Variants in PHACTR1 observed in about 807,000 individuals in gnomAD.
PHACTR1 encodes the protein RPEL repeat containing 1.
In PHACTR1, 16 loss-of-function variants were observed where a neutral mutation model predicts 69.2. The observed-to-expected ratio is 0.23, with a 90% CI of 0.16 to 0.35. The LOEUF (loss-of-function observed/expected upper bound fraction) is 0.35. Among genes scored for constraint, PHACTR1 ranks in the 10% least tolerant of loss-of-function variants. The probability of loss-of-function intolerance (pLI) is 1.00; values close to 1 mark genes in which losing one functional copy is unlikely to be tolerated. For missense variants in PHACTR1, 510 were observed against 734.7 expected (o/e 0.69, Z 3.54); for synonymous variants, 312 against 284.5 (o/e 1.10, Z -0.97).
At chr6:13,189,714 T>C (rs1226574232) in intron 7 of PHACTR1, among the ~76,000 whole-genome samples, 1 of 152,082 alleles carries the variant, frequency 6.6e-6, no homozygotes, top group Non-Finnish European at 1.5e-5. Context: ...CCCAAATCTT[T>C]AAAAAAATCA....
At chr6:12,915,034 G>C (rs1786817952) in intron 4 of PHACTR1, among the ~76,000 whole-genome samples, 1 of 152,222 alleles carries the variant, frequency 6.6e-6, no homozygotes, top group South Asian at 2.1e-4. Flanking sequence ...TCAAGTCCTG[G>C]AGTATGTCTT....
At chr6:13,059,297 G>T (rs1807311861) in intron 5 of PHACTR1, among the ~76,000 whole-genome samples, 1 of 152,118 alleles carries the variant, frequency 6.6e-6, no homozygotes. Flanking sequence ...GTTGCCAGGG[G>T]AGGGGGAAAT....
At chr6:13,026,592 G>A (rs1036248090) in intron 4 of PHACTR1, among the ~76,000 whole-genome samples, 21 of 152,056 alleles carry the variant, frequency 1.4e-4, no homozygotes, top group Non-Finnish European at 2.9e-4. Flanking sequence ...TTTTCTTCCC[G>A]TCTTCTCCTC....
intron 10 of PHACTR1, among the ~76,000 whole-genome samples, chr6:13,240,203 G>A (rs1772628789): frequency 6.6e-6 from 1 of 152,156 alleles, no homozygotes; most frequent in Non-Finnish European, 1.5e-5. Context: ...TGCAGACTAA[G>A]CAGGGAATGG....
chr6:12,739,038 T>A (rs1347645465), intron 3 of PHACTR1, among the ~76,000 whole-genome samples: 1 of 152,206 alleles, frequency 6.6e-6, no homozygotes, highest in African/African-American at 2.4e-5. Flanking sequence ...GTGTTCAAAT[T>A]GTCCCAGATT....
intron 5 of PHACTR1, among the ~76,000 whole-genome samples, chr6:13,065,978 T>C (rs1808566149): frequency 6.6e-6 from 1 of 150,708 alleles, no homozygotes; most frequent in South Asian, 2.1e-4. Flanking sequence ...AGATCCAGCA[T>C]AGGTAAGCAG....
At chr6:12,723,851 C>T (rs906746288) in intron 3 of PHACTR1, among the ~76,000 whole-genome samples, 3 of 152,172 alleles carry the variant, frequency 2.0e-5, no homozygotes, top group African/African-American at 4.8e-5. Context: ...GCCCCACACA[C>T]GGTAATCTTT....
chr6:13,128,546 G>A (rs1819912711), intron 5 of PHACTR1, among the ~76,000 whole-genome samples: 1 of 151,844 alleles, frequency 6.6e-6, no homozygotes, highest in South Asian at 2.1e-4. Context: ...AGAAGTAGAA[G>A]AAATAATTTC....
intron 10 of PHACTR1, among the ~76,000 whole-genome samples, chr6:13,249,803 A>T (rs1468932748): frequency 5.3e-5 from 8 of 151,860 alleles, no homozygotes; most frequent in African/African-American, 1.9e-4. Flanking sequence ...GTCTCAAAAA[A>T]AAAAAAAAAA....
chr6:12,720,105 G>A (rs1472193032), intron 3 of PHACTR1, among the ~76,000 whole-genome samples: 1 of 152,194 alleles, frequency 6.6e-6, no homozygotes, highest in Non-Finnish European at 1.5e-5. Context: ...GACTGGCCAG[G>A]ACCTCCAACC....
intron 4 of PHACTR1, among the ~76,000 whole-genome samples, chr6:13,044,484 GAAT>G (rs750198949): frequency 1.9e-4 from 29 of 152,278 alleles, no homozygotes; most frequent in Admixed American, 9.2e-4. Context: ...ACTCATCCCT[GAAT>G]TAATTACTGT....
intron 4 of PHACTR1, among the ~76,000 whole-genome samples, chr6:13,004,295 C>T (rs1434951526): frequency 6.6e-6 from 1 of 151,802 alleles, no homozygotes; most frequent in Non-Finnish European, 1.5e-5. Flanking sequence ...AATTTTTTTA[C>T]TTTTTCATAT....
chr6:12,755,572 T>A (rs955624883), intron 4 of PHACTR1, among the ~76,000 whole-genome samples: 1 of 152,182 alleles, frequency 6.6e-6, no homozygotes, highest in African/African-American at 2.4e-5. Flanking sequence ...AAAAGAAGAA[T>A]GAATCTCTAT....
At chr6:12,964,338 GGAT>G (rs1379739882) in intron 4 of PHACTR1, among the ~76,000 whole-genome samples, 1 of 152,162 alleles carries the variant, frequency 6.6e-6, no homozygotes, top group Non-Finnish European at 1.5e-5. Context: ...AGATTATTGA[GGAT>G]GATAAGAGGG....
intron 4 of PHACTR1, among the ~76,000 whole-genome samples, chr6:12,779,462 C>A (rs1770533225): frequency 7.7e-6 from 1 of 129,072 alleles, no homozygotes. Flanking sequence ...ATATTTACTT[C>A]TGTTAATTAA....
intron 4 of PHACTR1, among the ~76,000 whole-genome samples, chr6:13,050,450 A>G (rs767969029): frequency 2.6e-5 from 4 of 152,306 alleles, no homozygotes; most frequent in East Asian, 3.9e-4. Flanking sequence ...CAAACTTTCA[A>G]TCACTCAGCA....
chr6:12,860,175 C>T (rs140387562), intron 4 of PHACTR1, among the ~76,000 whole-genome samples: 143 of 152,150 alleles, frequency 9.4e-4, no homozygotes, highest in Non-Finnish European at 1.8e-3. Context: ...CTGACAGGCC[C>T]CAGTGTGTGA....
intron 5 of PHACTR1, among the ~76,000 whole-genome samples, chr6:13,072,235 G>T (rs879458176): frequency 1.3e-5 from 2 of 152,134 alleles, no homozygotes; most frequent in Non-Finnish European, 2.9e-5. Flanking sequence ...CTGGGCTCTT[G>T]TAATGCTGAA....
At chr6:13,076,912 T>A (rs1386550458) in intron 5 of PHACTR1, among the ~76,000 whole-genome samples, 1 of 128,526 alleles carries the variant, frequency 7.8e-6, no homozygotes, top group Non-Finnish European at 1.6e-5. Flanking sequence ...ACAATGGTAG[T>A]TGAAAGTGAT....
Sources: allele counts gnomAD v4.1 joint callset (sites outside exome capture counted in the v4.1 genomes callset), GRCh38; gene constraint gnomAD v4.1.1; transcripts MANE v1.5; gene names NCBI Gene and HGNC (gene_info 2026-07-23, HGNC 2026-07-21).